The following SGCD variants were observed in gnomAD, a reference collection of about 807,000 sequenced individuals.
SGCD encodes delta-sarcoglycan.
Under a neutral mutation model 36.6 loss-of-function variants are expected in SGCD, and 18 were observed. That is an observed-to-expected ratio of 0.49 (90% CI 0.34 to 0.73). The LOEUF (loss-of-function observed/expected upper bound fraction) is 0.73. SGCD is among the 30% of genes least tolerant of loss of function. SGCD has a pLI of 0.01. For synonymous variants in SGCD, 133 were observed against 130.6 expected (o/e 1.02, Z -0.12); for missense variants, 387 against 346.7 (o/e 1.12, Z -0.92).
intron 3 of SGCD, among the ~76,000 whole-genome samples, chr5:156,499,976 G>C (rs1164066898): frequency 6.6e-6 from 1 of 152,048 alleles, no homozygotes; most frequent in Non-Finnish European, 1.5e-5. Context: ...AGAATGTTTA[G>C]ACATTTTTCC....
chr5:156,071,032 A>G (rs988628154), intron 1 of SGCD, among the ~76,000 whole-genome samples: 2 of 151,662 alleles, frequency 1.3e-5, no homozygotes, highest in African/African-American at 2.4e-5. Context: ...TTTCTTCTTT[A>G]TTAGTCTTGC....
chr5:156,638,067 G>A (rs561199948), intron 6 of SGCD, among the ~76,000 whole-genome samples: 1 of 151,702 alleles, frequency 6.6e-6, no homozygotes, highest in South Asian at 2.1e-4. Context: ...CACTTGCCTG[G>A]CCACAGGAAC....
intron 2 of SGCD, among the ~76,000 whole-genome samples, chr5:156,343,121 A>AC (rs1434947584): frequency 6.6e-6 from 1 of 152,010 alleles, no homozygotes; most frequent in East Asian, 1.9e-4. Flanking sequence ...CCAAAAAAAA[A>AC]AATCATATTG....
intron 3 of SGCD, among the ~76,000 whole-genome samples, chr5:156,169,492 G>A (rs937796444): frequency 3.9e-5 from 6 of 152,110 alleles, no homozygotes; most frequent in African/African-American, 1.4e-4. Context: ...TATCTCAAAG[G>A]GTTTTTGACA....
At chr5:156,702,972 T>C (rs1268562388) in intron 7 of SGCD, among the ~76,000 whole-genome samples, 1 of 152,138 alleles carries the variant, frequency 6.6e-6, no homozygotes, top group African/African-American at 2.4e-5. Flanking sequence ...AAAGATTTGG[T>C]CTCCCTAAGC....
At chr5:156,112,323 A>C (rs1192365974) in intron 1 of SGCD, among the ~76,000 whole-genome samples, 5 of 152,166 alleles carry the variant, frequency 3.3e-5, no homozygotes, top group Non-Finnish European at 7.3e-5. Context: ...ATGATAAGTG[A>C]CTAATTTAGC....
intron 4 of SGCD, among the ~76,000 whole-genome samples, chr5:156,534,435 T>C (rs1017665847): frequency 2.0e-5 from 3 of 152,208 alleles, no homozygotes; most frequent in Non-Finnish European, 2.9e-5. Flanking sequence ...TGATTCTTTA[T>C]ACTCTATTCT....
chr5:155,766,180 A>G, the SGCD span, among the ~76,000 whole-genome samples: 1 of 152,124 alleles, frequency 6.6e-6, no homozygotes, highest in African/African-American at 2.4e-5. Flanking sequence ...GGTGCATTAA[A>G]AACCTGCTAG....
intron 1 of SGCD, among the ~76,000 whole-genome samples, chr5:155,892,525 G>T (rs1314013424): frequency 1.3e-5 from 2 of 149,414 alleles, no homozygotes; most frequent in African/African-American, 2.5e-5. Context: ...GAGGACACCT[G>T]CCCTATGTAA....
Position 156,757,635 on chromosome 5 carries a change from C to T in SGCD, c.630C>T (p.Ile210=), listed in dbSNP as rs763051644. 2.9e-5 allele frequency: 47 copies of T among 1,611,098 alleles called. No homozygotes were observed. Among genetic ancestry groups the T allele is most frequent in the Non-Finnish European group, 4.0e-5 (47 of 1,178,768 alleles). ...TGGAGGCCCCAAAAGGAGTGGAAAT[C>T]AATGCAGAAGCTGGCAATATGGAAG... ...LVMEAPKGVE[I]NAEAGNMEAT... is the part of the protein sequence containing the mutation. The change falls in exon 8 of 9, where the codon ATC becomes ATT. Residue 210 remains isoleucine, a synonymous_variant. Transcript: ENST00000337851.
rs912239937 is a variant in SGCD at position 156,764,044 on chromosome 5, T to G, written c.*4654T>G. The G allele has an allele frequency of 2.6e-5, 4 of 152,202 alleles. No individual in the cohort carries two copies. Among genetic ancestry groups the G allele is most frequent in the African/African-American group, 9.6e-5 (4 of 41,456 alleles). The allele number at this position is 152,202 out of a possible 1,614,324, so 9.4% of individuals were successfully genotyped here. On this transcript the variant is annotated 3_prime_UTR_variant, in exon 9 of 9. Transcript: ENST00000337851. ...TTCATTAAACAAGACCAGTTCTCCC[T>G]CTTCCCCCTGTCCCAAGAAATCTTA... is the stretch of plus-strand genomic sequence containing the variant.
intron 3 of SGCD, among the ~76,000 whole-genome samples, chr5:156,173,391 A>G (rs1471406884): frequency 6.6e-6 from 1 of 152,208 alleles, no homozygotes; most frequent in Non-Finnish European, 1.5e-5. Context: ...ATTAATGCAC[A>G]CACAAATATA....
the SGCD span, among the ~76,000 whole-genome samples, chr5:155,833,177 C>T: frequency 6.6e-6 from 1 of 151,640 alleles, no homozygotes; most frequent in African/African-American, 2.4e-5. Flanking sequence ...TTGCAGTGAG[C>T]TGAGATCGCA....
the SGCD span, among the ~76,000 whole-genome samples, chr5:155,792,352 T>A: frequency 6.7e-6 from 1 of 148,944 alleles, no homozygotes; most frequent in Non-Finnish European, 1.5e-5. Context: ...AAAGAATTTA[T>A]GGCTAAGTCC....
the SGCD span, among the ~76,000 whole-genome samples, chr5:155,761,592 A>ACCC: frequency 3.5e-5 from 3 of 85,506 alleles, no homozygotes; most frequent in Non-Finnish European, 7.2e-5. Context: ...CCTCTCCATC[A>ACCC]TCTCCATCAC....
At chr5:156,405,105 G>C (rs1468353908) in intron 3 of SGCD, among the ~76,000 whole-genome samples, 1 of 152,154 alleles carries the variant, frequency 6.6e-6, no homozygotes, top group Non-Finnish European at 1.5e-5. Flanking sequence ...GTGGACATGT[G>C]AAAAGACACA....
At chr5:156,338,932 T>C (rs184923007) in intron 2 of SGCD, among the ~76,000 whole-genome samples, 123 of 134,108 alleles carry the variant, frequency 9.2e-4, no homozygotes, top group African/African-American at 3.6e-3. Flanking sequence ...TTGAGATTGC[T>C]AGATTAAATT....
intron 6 of SGCD, among the ~76,000 whole-genome samples, chr5:156,634,649 G>A (rs183084576): frequency 3.9e-5 from 6 of 152,214 alleles, no homozygotes; most frequent in Non-Finnish European, 8.8e-5. Context: ...TAGCATGAGG[G>A]AATTTTTGGA....
chr5:156,559,706 A>G (rs1290272304), intron 4 of SGCD, among the ~76,000 whole-genome samples: 1 of 152,164 alleles, frequency 6.6e-6, no homozygotes, highest in African/African-American at 2.4e-5. Context: ...GTCCTCAGTA[A>G]CAGTGGTTGT....
Sources: gnomAD v4.1 joint callset for allele counts (sites outside exome capture counted in the v4.1 genomes callset) on GRCh38, gnomAD v4.1.1 for gene constraint, MANE v1.5 for transcripts, NCBI Gene and HGNC (gene_info 2026-07-23, HGNC 2026-07-21) for gene names.